The following PHYKPL variants were observed in gnomAD, a reference collection of about 807,000 sequenced individuals.
The protein encoded by PHYKPL is 5-phosphonooxy-L-lysine phospho-lyase.
A neutral mutation model predicts 51.3 loss-of-function variants in PHYKPL; 42 were observed. The observed-to-expected ratio is 0.82, with a 90% confidence interval of 0.64 to 1.06. The LOEUF is 1.06. Ranked by LOEUF, PHYKPL falls within the 50% of genes least tolerant of loss-of-function variation. The probability of loss-of-function intolerance (pLI) is 0.00; values close to 1 mark genes in which losing one functional copy is unlikely to be tolerated. For synonymous variants in PHYKPL, 264 were observed against 236.0 expected, an observed-to-expected ratio of 1.12 and a Z score of -1.09; for missense variants, 655 against 586.6, an observed-to-expected ratio of 1.12 and a Z score of -1.20.
At chr5:178,210,475 T>C (rs886978647) in intron 12 of PHYKPL, 29 of 1,511,430 alleles carry the variant, frequency 1.9e-5, no homozygotes, top group Non-Finnish European at 2.5e-5. Flanking sequence ...GTGAGGGTCC[T>C]GGGAAGATGC....
chr5:178,224,802 C>G, intron 4 of PHYKPL, 73 bp from the exon 5 acceptor site: 3 of 1,231,906 alleles, frequency 2.4e-6, no homozygotes, highest in East Asian at 2.4e-5. Flanking sequence ...ACCATCGTCT[C>G]CCCACCCCTG....
intron 1 of PHYKPL, chr5:178,231,749 A>G (rs1299237988): frequency 6.6e-7 from 1 of 1,508,442 alleles, no homozygotes; most frequent in East Asian, 2.7e-5. Flanking sequence ...ATTGTTTCTG[A>G]AAGCATTTTC....
chr5:178,231,660 C>T (rs1763452343), intron 1 of PHYKPL, 137 bp from the exon 2 acceptor site: 19 of 1,586,704 alleles, frequency 1.2e-5, no homozygotes, highest in Non-Finnish European at 1.5e-5. Flanking sequence ...CAAGGTGCTG[C>T]TTCCCTGCCT....
rs1581168697 is a variant in PHYKPL at position 178,209,220 on chromosome 5, C to T, written c.*32-305G>A. 7 of 899,564 alleles carry T rather than the reference C, an allele frequency of 7.8e-6. No homozygotes were observed. In the Admixed American group the frequency reaches 1.3e-4, roughly 17 times the overall value. 55.7% of individuals were successfully genotyped at this position (899,564 alleles called of 1,614,324 possible). A position where few individuals can be genotyped will look rare whatever the true frequency, so the allele number is the denominator to read the frequency against. On this transcript the variant is annotated intron_variant, in intron 12 of 12. Coordinates refer to ENST00000308158, the MANE Select transcript of PHYKPL (RefSeq NM_153373.4). ...TCCCATACTAGCATATTTTGTTTCT[C>T]AGCAAATGGACCTGATCCACCATTT...
intron 8 of PHYKPL, 151 bp downstream of exon 8, chr5:178,222,204 T>C: frequency 6.4e-6 from 4 of 625,282 alleles, no homozygotes; most frequent in Non-Finnish European, 1.1e-5. Flanking sequence ...TTTTCTTACC[T>C]GACCTGGCTA....
Position 178,232,659 on chromosome 5 carries a change from G to A in PHYKPL, c.-109C>T, listed in dbSNP as rs760371255. ...CCGCCCCTGCCTGGGTCGGGATTTG[G>A]GGCTCAGGTTCGCACTCGGCCCCGC... On this transcript the variant is annotated 5_prime_UTR_variant, in exon 1 of 13. Transcript: ENST00000308158. 4 of 1,186,110 alleles carry A rather than the reference G, an allele frequency of 3.4e-6. No individual in the cohort carries two copies. The highest frequency in any genetic ancestry group is 3.2e-5 in the African/African-American group (2 of 62,838). 73.5% of individuals were successfully genotyped at this position (1,186,110 alleles called of 1,614,324 possible).
chr5:178,231,715 G>A (rs1208174969), intron 1 of PHYKPL, 192 bp from the exon 2 acceptor site: 1 of 1,543,848 alleles, frequency 6.5e-7, no homozygotes, highest in Non-Finnish European at 8.8e-7. Flanking sequence ...AAGCAGATGG[G>A]GTAACAAGTC....
At chr5:178,209,963 T>C (rs1214954076) in intron 12 of PHYKPL, among the ~76,000 whole-genome samples, 1 of 138,680 alleles carries the variant, frequency 7.2e-6, no homozygotes, top group Non-Finnish European at 1.5e-5. Context: ...CTTGGGTCTC[T>C]CAGATGCAGG....
At chr5:178,229,447 C>G (rs1273003949) in intron 3 of PHYKPL, among the ~76,000 whole-genome samples, 1 of 152,152 alleles carries the variant, frequency 6.6e-6, no homozygotes, top group African/African-American at 2.4e-5. Flanking sequence ...CCCTTCCTTC[C>G]TCCTCTTCTA....
chr5:178,229,915 C>T (rs781280331), intron 3 of PHYKPL, 25 bp downstream of exon 3: 20 of 1,608,778 alleles, frequency 1.2e-5, no homozygotes, highest in Admixed American at 3.3e-5. Context: ...ACCCTCTTCC[C>T]GGGGGCTGGC....
At chr5:178,231,798 G>A (rs1393778475) in intron 1 of PHYKPL, 1 of 1,413,090 alleles carries the variant, frequency 7.1e-7, no homozygotes. Flanking sequence ...GCATGTGTCC[G>A]CGTCAGTCTC....
At position 178,230,190 on chromosome 5, in the gene PHYKPL, A is replaced by G. The variant is rs942745880; in HGVS notation, c.179-91T>C. On this transcript the variant is annotated intron_variant, in intron 2 of 12. Coordinates refer to ENST00000308158, the MANE Select transcript of PHYKPL (RefSeq NM_153373.4). The stretch of plus-strand genomic sequence containing the variant: ...GCCCCAAGCTATAAACCCAGCCAGA[A>G]GAGATGTAGTTCTAGAGGGAGAGGT... 8 of 1,515,140 alleles carry G rather than the reference A, an allele frequency of 5.3e-6. No homozygotes were observed. The African/African-American group carries it at 1.1e-4, about 21-fold the overall frequency. 93.9% of individuals were successfully genotyped at this position (1,515,140 alleles called of 1,614,324 possible). A position where few individuals can be genotyped will look rare whatever the true frequency, so the allele number is the denominator to read the frequency against.
chr5:178,219,761 T>C (rs537753236), intron 8 of PHYKPL, among the ~76,000 whole-genome samples: 200 of 151,520 alleles, frequency 1.3e-3, no homozygotes, highest in African/African-American at 4.5e-3. Flanking sequence ...CAAATGGGCA[T>C]TTCATTGAAG....
chr5:178,222,270 G>A (rs1358023480), intron 8 of PHYKPL, 85 bp downstream of exon 8: 21 of 1,232,578 alleles, frequency 1.7e-5, no homozygotes, highest in Non-Finnish European at 2.3e-5. Context: ...TGCTAGCCCT[G>A]TAGCCTTTGC....
Position 178,222,794 on chromosome 5 carries a change from T to G in PHYKPL, c.701+58A>C. On this transcript the variant is annotated intron_variant, in intron 7 of 12. Transcript: ENST00000308158. ...CTGAGGTTGGGATTTGGACCAGAGG[T>G]TGGAAAACCTCATTAGACCCCTGCC... 6.3e-6 allele frequency: 10 copies of G among 1,578,514 alleles called. No homozygotes were observed. The East Asian group carries it at 2.0e-4, about 32-fold the overall frequency.
chr5:178,207,670 C>T (rs931278712), downstream of PHYKPL, among the ~76,000 whole-genome samples: 1 of 147,022 alleles, frequency 6.8e-6, no homozygotes, highest in Non-Finnish European at 1.5e-5. Context: ...AGTCTTTGTC[C>T]ACTTCCATCC....
intron 12 of PHYKPL, chr5:178,210,281 G>A (rs750898906): frequency 2.2e-5 from 36 of 1,614,032 alleles, no homozygotes; most frequent in Non-Finnish European, 2.7e-5. Flanking sequence ...CAGTAAGTAG[G>A]AGAGAGGGAG....
Position 178,214,807 on chromosome 5 carries a change from G to A in PHYKPL, c.1161C>T (p.Tyr387=). Residue 387 remains tyrosine, a synonymous_variant, in exon 10 of 13, where the codon TAC becomes TAT. Transcript: ENST00000308158. ...TRTPATEEAA[Y]LVSRLKENYV... is the part of the protein sequence containing the mutation. Reference sequence around the variant, plus strand: ...CAAGAAGAAAATACCTTGATACCAAGTAGGCAGCCTCTTCAGTTGCTGGTG... The same window carrying A: ...CAAGAAGAAAATACCTTGATACCAAATAGGCAGCCTCTTCAGTTGCTGGTG... The A allele has an allele frequency of 6.2e-7, 1 of 1,614,020 alleles. No individual in the cohort carries two copies. The highest frequency in any genetic ancestry group is 8.5e-7 in the Non-Finnish European group (1 of 1,180,020).
At chr5:178,219,728 G>A (rs1760743692) in intron 8 of PHYKPL, among the ~76,000 whole-genome samples, 1 of 151,934 alleles carries the variant, frequency 6.6e-6, no homozygotes. Flanking sequence ...GGGATTACAG[G>A]CGTGAGCCAC....
Sources: gnomAD v4.1 joint callset for allele counts (sites outside exome capture counted in the v4.1 genomes callset) on GRCh38, gnomAD v4.1.1 for gene constraint, MANE v1.5 for transcripts, NCBI Gene and HGNC (gene_info 2026-07-23, HGNC 2026-07-21) for gene names.